Variants in KCNC1 observed in about 807,000 individuals in gnomAD.
The protein encoded by KCNC1 is voltage-gated potassium channel KCNC1.
A neutral mutation model predicts 43.4 loss-of-function variants in KCNC1; 8 were observed. The ratio of observed to expected loss-of-function variants is 0.18; its 90% confidence interval spans 0.11 to 0.33. KCNC1 has a LOEUF of 0.33. Ranked by LOEUF, KCNC1 falls within the 10% of genes least tolerant of loss-of-function variation. The pLI is 1.00. For synonymous variants in KCNC1, 361 were observed against 360.5 expected, an observed-to-expected ratio of 1.00 and a Z score of -0.01; for missense variants, 420 against 836.0, an observed-to-expected ratio of 0.50 and a Z score of 6.14.
At chr11:17,751,855 T>A (rs1433341855) in intron 1 of KCNC1, among the ~76,000 whole-genome samples, 3 of 152,162 alleles carry the variant, frequency 2.0e-5, no homozygotes, top group Non-Finnish European at 4.4e-5. Flanking sequence ...GTGGTTTCAG[T>A]CTGCTCCGGA....
intron 1 of KCNC1, among the ~76,000 whole-genome samples, chr11:17,762,006 T>A (rs1424886547): frequency 6.6e-6 from 1 of 152,184 alleles, no homozygotes; most frequent in Admixed American, 6.5e-5. Flanking sequence ...TCCAGGGGCA[T>A]GGGTTTAGCC....
In KCNC1 at chr11:17,760,305, C is replaced by G. The variant is rs139896173; in HGVS notation, c.571-11360C>G. On this transcript the variant is annotated intron_variant, in intron 1 of 3. Transcript: ENST00000265969. ...CATCATTTACTAACAGAAATGTAGACAGGCGTACTAGGAGACACCTGCTTG... is the reference window on the plus strand; with the variant it reads ...CATCATTTACTAACAGAAATGTAGAGAGGCGTACTAGGAGACACCTGCTTG... Among the ~76,000 whole-genome samples the G allele has an allele frequency of 4.6e-5, 7 of 152,270 alleles. No individual in the cohort carries two copies. The East Asian group carries it at 9.7e-4, about 21-fold the overall frequency.
chr11:17,762,095 C>T lies in KCNC1; in HGVS notation c.571-9570C>T, dbSNP rs183129707. Among the ~76,000 whole-genome samples, 98 of 152,354 alleles carry T rather than the reference C, an allele frequency of 6.4e-4. 1 individual carries two copies. In the East Asian group the frequency reaches 0.011, roughly 17 times the overall value. ...CCACGGGATCCCTCTGAGGCCGTCTCCTCAGGGACACCCTCTCCCCTTTTA... is the reference window on the plus strand; with the variant it reads ...CCACGGGATCCCTCTGAGGCCGTCTTCTCAGGGACACCCTCTCCCCTTTTA... On this transcript the variant is annotated intron_variant, in intron 1 of 3. Transcript: ENST00000265969.
Position 17,781,487 on chromosome 11 carries a change from G to C in KCNC1, c.1694-183G>C. The C allele has an allele frequency of 1.7e-6, 1 of 580,834 alleles. No individual in the cohort carries two copies. Among genetic ancestry groups the C allele is most frequent in the South Asian group, 2.3e-5 (1 of 44,440 alleles). 36.0% of individuals were successfully genotyped at this position (580,834 alleles called of 1,614,324 possible). A position where few individuals can be genotyped will look rare whatever the true frequency, so the allele number is the denominator to read the frequency against. ...GGACTCATCCCATTCCCCCAGGAGG[G>C]AGAGAAAGAGGCGTGCTAGGCTGGC... On this transcript the variant is annotated intron_variant, in intron 3 of 3. Coordinates refer to ENST00000265969, the MANE Select transcript of KCNC1 (RefSeq NM_001112741.2). This position sits in a 1 kb window ranked among gnomAD's most constrained non-coding sequence, Gnocchi z 5.1.
rs747013406 is a variant in KCNC1, at chr11:17,773,437, C to G, written c.1504+839C>G. On this transcript the variant is annotated intron_variant, in intron 2 of 3. Transcript: ENST00000265969. This position sits in a 1 kb window ranked among gnomAD's most constrained non-coding sequence, Gnocchi z 4.1. The stretch of plus-strand genomic sequence containing the variant: ...CCACCCTGGGCAGCTTAGATGAAAG[C>G]GCTACAGACCAGCAACAGCCTCCCA... 1.0e-6 allele frequency: 1 copy of G among 985,130 alleles called. No homozygotes were observed. Among genetic ancestry groups the G allele is most frequent in the Admixed American group, 6.2e-5 (1 of 16,252 alleles). The allele number at this position is 985,130 out of a possible 1,614,324, so 61.0% of individuals were successfully genotyped here. A position where few individuals can be genotyped will look rare whatever the true frequency, so the allele number is the denominator to read the frequency against.
Position 17,772,220 on chromosome 11 carries a change from C to T in KCNC1, c.1126C>T (p.Pro376Ser). 6.2e-7 allele frequency: 1 copy of T among 1,614,084 alleles called. No homozygotes were observed. The highest frequency in any genetic ancestry group is 8.5e-7 in the Non-Finnish European group (1 of 1,180,038). ...GAGGATAGGGGCACAGCCCAATGAC[C>T]CCAGCGCCAGTGAGCACACGCACTT... ...AERIGAQPNDPSASEHTHFKN... is the reference protein window; with the variant it reads ...AERIGAQPNDSSASEHTHFKN... The change falls in exon 2 of 4, where the codon CCC (proline) becomes TCC (serine). Residue 376 changes from proline (P) to serine (S), a missense_variant. Around this residue, in one of 5 missense-constraint regions of KCNC1, gnomAD observed 58 missense variants for 256.9 expected, o/e 0.23. Coordinates refer to ENST00000265969, the MANE Select transcript of KCNC1 (RefSeq NM_001112741.2).
At position 17,773,734 on chromosome 11, in the gene KCNC1, C is replaced by T; in HGVS notation, c.1504+1136C>T. On this transcript the variant is annotated intron_variant, in intron 2 of 3. Transcript: ENST00000265969. This position sits in a 1 kb window ranked among gnomAD's most constrained non-coding sequence, Gnocchi z 4.1. ...TATAAAGCCCATAGTCTACCTCTAC[C>T]CATGGAATACCATCGACTTATTCTG... 1 of 985,416 alleles carries T rather than the reference C, an allele frequency of 1.0e-6. No homozygotes were observed. The highest frequency in any genetic ancestry group is 1.2e-6 in the Non-Finnish European group (1 of 829,936). 61.0% of individuals were successfully genotyped at this position (985,416 alleles called of 1,614,324 possible). A position where few individuals can be genotyped will look rare whatever the true frequency, so the allele number is the denominator to read the frequency against.
At chr11:17,756,260 G>T (rs1208762749) in intron 1 of KCNC1, among the ~76,000 whole-genome samples, 1 of 152,136 alleles carries the variant, frequency 6.6e-6, no homozygotes, top group African/African-American at 2.4e-5. Flanking sequence ...AAATGCCTGT[G>T]CATTCCCCTT....
In KCNC1 at chr11:17,742,953, A is replaced by G. The variant is rs1483717640; in HGVS notation, c.570+6381A>G. ...GGAATACACAGATACCTGCATTCCA[A>G]GGACACGGCACAGCTGATTGAGACC... On this transcript the variant is annotated intron_variant, in intron 1 of 3. Transcript: ENST00000265969. The surrounding 1 kb of genome is among the most constrained non-coding windows in gnomAD (Gnocchi z 4.2). 6.6e-6 allele frequency among the ~76,000 whole-genome samples: 1 copy of G among 152,182 alleles called. No individual in the cohort carries two copies. The highest frequency in any genetic ancestry group is 1.5e-5 in the Non-Finnish European group (1 of 68,026).
At chr11:17,749,956 A>T (rs1239031234) in intron 1 of KCNC1, among the ~76,000 whole-genome samples, 2 of 152,256 alleles carry the variant, frequency 1.3e-5, no homozygotes, top group Non-Finnish European at 2.9e-5. Flanking sequence ...TCTGAGTGCC[A>T]TGTGCAGGAA....
intron 1 of KCNC1, among the ~76,000 whole-genome samples, chr11:17,769,815 G>T (rs1342837724): frequency 6.6e-6 from 1 of 152,304 alleles, no homozygotes; most frequent in South Asian, 2.1e-4. Context: ...TCTGAAAATC[G>T]CACAATGCTC....
At position 17,776,159 on chromosome 11, in the gene KCNC1, G is replaced by A; in HGVS notation, c.1505-3297G>A. 1.0e-6 allele frequency: 1 copy of A among 985,472 alleles called. No individual in the cohort carries two copies. The allele number at this position is 985,472 out of a possible 1,614,324, so 61.0% of individuals were successfully genotyped here. A position where few individuals can be genotyped will look rare whatever the true frequency, so the allele number is the denominator to read the frequency against. ...AAGTGACGCCAGGGGCCAGGCATGG[G>A]TGTTCTTTTCCGTGTTGTTCACATT... On this transcript the variant is annotated intron_variant, in intron 2 of 3. Coordinates refer to ENST00000265969, the MANE Select transcript of KCNC1 (RefSeq NM_001112741.2). This position sits in a 1 kb window ranked among gnomAD's most constrained non-coding sequence, Gnocchi z 4.4.
intron 1 of KCNC1, among the ~76,000 whole-genome samples, chr11:17,744,976 T>C (rs78498804): frequency 6.9e-4 from 105 of 151,788 alleles, no homozygotes; most frequent in African/African-American, 2.4e-3. Context: ...GCCTGAGAGG[T>C]GTGGGCTCCT....
At chr11:17,774,796 C>T (rs1849267132) in intron 2 of KCNC1, 3 of 985,384 alleles carry the variant, frequency 3.0e-6, no homozygotes, top group Admixed American at 1.2e-4. Flanking sequence ...CCTCCCCCGT[C>T]ACCAACTGTG....
At chr11:17,749,771 G>T (rs1049672332) in intron 1 of KCNC1, among the ~76,000 whole-genome samples, 1 of 152,226 alleles carries the variant, frequency 6.6e-6, no homozygotes, top group African/African-American at 2.4e-5. Context: ...GCAAGCTGCC[G>T]TGGGTGCTTC....
intron 2 of KCNC1, chr11:17,774,455 C>T: frequency 1.0e-6 from 1 of 985,560 alleles, no homozygotes; most frequent in South Asian, 4.7e-5. Flanking sequence ...CCAGTGCTCT[C>T]CAGGCAGGCC....
At chr11:17,743,731 C>A (rs1394968802) in intron 1 of KCNC1, among the ~76,000 whole-genome samples, 2 of 152,220 alleles carry the variant, frequency 1.3e-5, no homozygotes, top group Non-Finnish European at 2.9e-5. Context: ...TTCCGCCAGC[C>A]TCCTCCCTGG....
intron 1 of KCNC1, among the ~76,000 whole-genome samples, chr11:17,751,265 C>T (rs1440019909): frequency 1.3e-5 from 2 of 152,064 alleles, no homozygotes; most frequent in African/African-American, 4.8e-5. Flanking sequence ...GTGGGAGAGA[C>T]CGACGAGTAA....
At chr11:17,763,195 C>T (rs750394287) in intron 1 of KCNC1, among the ~76,000 whole-genome samples, 1 of 152,064 alleles carries the variant, frequency 6.6e-6, no homozygotes, top group Non-Finnish European at 1.5e-5. Context: ...TGGCTCTCCC[C>T]CTTCTCAGAT....
Sources: gnomAD v4.1 joint callset for allele counts (sites outside exome capture counted in the v4.1 genomes callset) on GRCh38, gnomAD v4.1.1 for gene constraint, gnomAD v4.1.1 regional missense constraint, Gnocchi (gnomAD v3.1) non-coding constraint, MANE v1.5 for transcripts, NCBI Gene and HGNC (gene_info 2026-07-23, HGNC 2026-07-21) for gene names.